AP4E1: variants seen among roughly 807,000 people sequenced by gnomAD.
AP4E1 encodes the protein adaptor related protein complex 4 subunit epsilon 1, also known as AP-4 complex subunit epsilon-1.
A neutral mutation model predicts 128.2 loss-of-function variants in AP4E1; 56 were observed. The observed-to-expected ratio is 0.44, with a 90% confidence interval of 0.35 to 0.55. The LOEUF is 0.55. Among genes scored for constraint, AP4E1 ranks in the 20% least tolerant of loss-of-function variants. AP4E1 has a pLI of 0.00. For missense variants in AP4E1, 1,324 were observed against 1,307.7 expected, an observed-to-expected ratio of 1.01 and a Z score of -0.19; for synonymous variants, 484 against 473.1, an observed-to-expected ratio of 1.02 and a Z score of -0.30.
chr15:50,999,301 C>A (rs762252563), intron 19 of AP4E1, 39 bp downstream of exon 19: 1 of 1,555,640 alleles, frequency 6.4e-7, no homozygotes, highest in Admixed American at 1.8e-5. Context: ...GTTGTTAATT[C>A]ACCAACTATT....
chr15:50,929,186 G>A lies in AP4E1; in HGVS notation c.702+18G>A. On this transcript the variant is annotated intron_variant, in intron 6 of 20. Transcript: ENST00000261842. The stretch of plus-strand genomic sequence containing the variant: ...TGATTAAGGTAAGTTGGAAATTTTA[G>A]CAAGTACTGAGTAGTTACCATTAGA... 1 of 1,611,670 alleles carries A rather than the reference G, an allele frequency of 6.2e-7. No homozygotes were observed. The highest frequency in any genetic ancestry group is 8.5e-7 in the Non-Finnish European group (1 of 1,178,454).
At chr15:50,934,140 A>G (rs2063874203) in intron 7 of AP4E1, among the ~76,000 whole-genome samples, 1 of 152,034 alleles carries the variant, frequency 6.6e-6, no homozygotes. Context: ...ATCTTTTTTT[A>G]TATTTAATGT....
At chr15:50,947,696 G>A (rs2064081723) in intron 10 of AP4E1, among the ~76,000 whole-genome samples, 1 of 152,042 alleles carries the variant, frequency 6.6e-6, no homozygotes, top group Admixed American at 6.6e-5. Context: ...ATATTTAAGG[G>A]CTGTTATGTT....
At chr15:50,954,889 C>G (rs2064195876) in intron 13 of AP4E1, among the ~76,000 whole-genome samples, 1 of 152,190 alleles carries the variant, frequency 6.6e-6, no homozygotes. Flanking sequence ...ATTCCCCTTC[C>G]TGTTCCAAGT....
intron 10 of AP4E1, chr15:50,944,633 G>A (rs976380035): frequency 2.9e-5 from 9 of 306,844 alleles, no homozygotes; most frequent in East Asian, 1.3e-4. Context: ...CAAAGAGCTC[G>A]TGGAGTCCGG....
intron 10 of AP4E1, 39 bp from the exon 11 acceptor site, chr15:50,947,981 G>A: frequency 6.8e-7 from 1 of 1,476,076 alleles, no homozygotes; most frequent in South Asian, 1.2e-5. Context: ...GTTATGCATA[G>A]TTTTATAATA....
At chr15:50,984,174 T>C in intron 16 of AP4E1, 29 bp downstream of exon 16, 2 of 1,611,630 alleles carry the variant, frequency 1.2e-6, no homozygotes, top group Non-Finnish European at 1.7e-6. Context: ...AAAATTGAGG[T>C]TATGGGAGTG....
intron 15 of AP4E1, among the ~76,000 whole-genome samples, chr15:50,977,704 TGG>T (rs2064571287): frequency 8.9e-6 from 1 of 112,952 alleles, no homozygotes; most frequent in Non-Finnish European, 2.0e-5. Flanking sequence ...CAATCTGTTA[TGG>T]TTTTTTTTTT....
chr15:50,987,218 G>A (rs1441233508), intron 16 of AP4E1, among the ~76,000 whole-genome samples: 8 of 151,988 alleles, frequency 5.3e-5, no homozygotes, highest in African/African-American at 7.2e-5. Flanking sequence ...TCTTGCTAGC[G>A]GTCTATCAAT....
intron 15 of AP4E1, among the ~76,000 whole-genome samples, chr15:50,976,171 G>A (rs1387365971): frequency 6.6e-6 from 1 of 151,952 alleles, no homozygotes; most frequent in Admixed American, 6.6e-5. Context: ...CTCAATAAAA[G>A]GATCATACAC....
chr15:50,987,522 C>G (rs1302574830), intron 16 of AP4E1, among the ~76,000 whole-genome samples: 1 of 152,172 alleles, frequency 6.6e-6, no homozygotes, highest in Non-Finnish European at 1.5e-5. Context: ...TTATTGGTTT[C>G]AAAGAACATC....
rs577249253 is a variant in AP4E1 at position 50,962,797 on chromosome 15, C to G, written c.1851+4003C>G. Among the ~76,000 whole-genome samples, 48 of 136,986 alleles carry G rather than the reference C, an allele frequency of 3.5e-4. 1 individual carries two copies. Among genetic ancestry groups the G allele is most frequent in the Admixed American group, 3.3e-3 (40 of 12,284 alleles). 89.9% of individuals were successfully genotyped at this position (136,986 alleles called of 152,430 possible). A position where few individuals can be genotyped will look rare whatever the true frequency, so the allele number is the denominator to read the frequency against. On this transcript the variant is annotated intron_variant, in intron 14 of 20. Coordinates refer to ENST00000261842, the MANE Select transcript of AP4E1 (RefSeq NM_007347.5). ...GCTTATGCACAGCAAACGATACAATCAATAGAGTGAAGAAACAATCTGTAG... is the reference window on the plus strand; with the variant it reads ...GCTTATGCACAGCAAACGATACAATGAATAGAGTGAAGAAACAATCTGTAG...
chr15:50,921,496 G>C (rs1261277143), intron 3 of AP4E1, among the ~76,000 whole-genome samples: 1 of 151,884 alleles, frequency 6.6e-6, no homozygotes, highest in Non-Finnish European at 1.5e-5. Context: ...TTACAGGAGA[G>C]TGTCACCACG....
chr15:50,910,049 C>T (rs1048869770), intron 1 of AP4E1, among the ~76,000 whole-genome samples: 1 of 152,176 alleles, frequency 6.6e-6, no homozygotes, highest in African/African-American at 2.4e-5. Context: ...TGCGATGGTG[C>T]GATCTTGGCT....
At chr15:50,909,049 G>T (rs1274872594) in intron 1 of AP4E1, 121 bp downstream of exon 1, 15 of 1,465,238 alleles carry the variant, frequency 1.0e-5, no homozygotes, top group Admixed American at 2.4e-5. Flanking sequence ...GGGCTCAGGG[G>T]CTGCTGTGTC....
upstream of AP4E1, among the ~76,000 whole-genome samples, chr15:50,908,187 C>A (rs534372620): frequency 6.6e-6 from 1 of 152,302 alleles, no homozygotes; most frequent in Admixed American, 6.5e-5. Flanking sequence ...CAACCTGGCA[C>A]GCCGAATCCT....
rs1445157442 is a variant in AP4E1, at chr15:50,999,706, T to C, written c.3095+444T>C. ...ATTGCTTGACATAGTTATTAAACTTTTTTTTATTATTATACTTTAAGTTTT... is the reference window on the plus strand; with the variant it reads ...ATTGCTTGACATAGTTATTAAACTTCTTTTTATTATTATACTTTAAGTTTT... On this transcript the variant is annotated intron_variant, in intron 19 of 20. Coordinates refer to ENST00000261842, the MANE Select transcript of AP4E1 (RefSeq NM_007347.5). Among the ~76,000 whole-genome samples, 4 of 147,172 alleles carry C rather than the reference T, an allele frequency of 2.7e-5. No individual in the cohort carries two copies. The Admixed American group carries it at 2.8e-4, about 10-fold the overall frequency.
chr15:50,911,485 T>A (rs1332762531), intron 1 of AP4E1, among the ~76,000 whole-genome samples: 16 of 150,380 alleles, frequency 1.1e-4, no homozygotes, highest in African/African-American at 3.9e-4. Flanking sequence ...TTTAATTTTT[T>A]TTTTTTTTTT....
chr15:50,981,642 G>C (rs1310168292), intron 15 of AP4E1, among the ~76,000 whole-genome samples: 1 of 152,184 alleles, frequency 6.6e-6, no homozygotes, highest in African/African-American at 2.4e-5. Context: ...GAATGCTATG[G>C]TGTGAATGTG....
Sources: gnomAD v4.1 joint callset for allele counts (sites outside exome capture counted in the v4.1 genomes callset) on GRCh38, gnomAD v4.1.1 for gene constraint, MANE v1.5 for transcripts, NCBI Gene and HGNC (gene_info 2026-07-23, HGNC 2026-07-21) for gene names.